Variants in CARMIL1 observed in about 807,000 individuals in gnomAD.
CARMIL1 encodes F-actin-uncapping protein LRRC16A.
CARMIL1 carries 90 observed loss-of-function variants against 177.1 expected under a neutral mutation model. That is an observed-to-expected ratio of 0.51 (90% CI 0.43 to 0.61). The LOEUF is 0.61. CARMIL1 is among the 20% of genes least tolerant of loss of function. The pLI, the probability that CARMIL1 is intolerant of heterozygous loss-of-function variation, is 0.00. For synonymous variants in CARMIL1, 577 were observed against 606.2 expected (o/e 0.95, Z 0.71); for missense variants, 1,380 against 1,667.0 (o/e 0.83, Z 3.00).
intron 2 of CARMIL1, among the ~76,000 whole-genome samples, chr6:25,371,217 T>C (rs906753927): frequency 6.6e-6 from 1 of 152,224 alleles, no homozygotes; most frequent in African/African-American, 2.4e-5. Flanking sequence ...GGTGCTGTGA[T>C]GTGTGCACGT....
At chr6:25,455,973 T>A (rs1036973175) in intron 8 of CARMIL1, among the ~76,000 whole-genome samples, 20 of 152,112 alleles carry the variant, frequency 1.3e-4, no homozygotes, top group Non-Finnish European at 2.6e-4. Context: ...AGTGCCTTGG[T>A]CATTGTTCTG....
At chr6:25,459,270 T>TTTCTTTCTCTCTCTTTCTTTCTTTCTTTC (rs1799896544) in intron 8 of CARMIL1, among the ~76,000 whole-genome samples, 1 of 21,216 alleles carries the variant, frequency 4.7e-5, no homozygotes, top group African/African-American at 1.3e-4. Context: ...TTCTTTCTTT[T>TTTCTTTCTCTCTCTTTCTTTCTTTCTTTC]TTTTTTTTTT....
chr6:25,358,242 A>G (rs943724320), intron 2 of CARMIL1, among the ~76,000 whole-genome samples: 56 of 152,192 alleles, frequency 3.7e-4, no homozygotes, highest in African/African-American at 1.2e-3. Context: ...TCTTCTGTAG[A>G]GTAAAAGATA....
At chr6:25,342,189 C>T (rs9467471) in intron 2 of CARMIL1, among the ~76,000 whole-genome samples, 46,178 of 152,138 alleles carry the variant, frequency 0.3, 7,265 homozygotes, top group Non-Finnish European at 0.35. Flanking sequence ...AAGCTTTCCT[C>T]TGAGAATGTG....
intron 21 of CARMIL1, among the ~76,000 whole-genome samples, chr6:25,516,375 A>G (rs1582214213): frequency 6.6e-6 from 1 of 152,174 alleles, no homozygotes; most frequent in East Asian, 1.9e-4. Context: ...GCTTTTCTCA[A>G]GGACTAGCTC....
intron 2 of CARMIL1, among the ~76,000 whole-genome samples, chr6:25,392,028 G>C (rs146821715): frequency 6.9e-6 from 1 of 145,362 alleles, no homozygotes; most frequent in African/African-American, 2.5e-5. Flanking sequence ...CTGTTTTTTT[G>C]TGTGTATGCA....
chr6:25,527,575 A>G (rs891170640), intron 23 of CARMIL1: 3 of 353,500 alleles, frequency 8.5e-6, no homozygotes, highest in South Asian at 6.4e-5. Context: ...TTTTGCATTG[A>G]TAGTCATGTC....
rs1205982118 is a variant in CARMIL1 at position 25,449,979 on chromosome 6, T to A, written c.453T>A (p.Ala151=). Residue 151 remains alanine (A), a synonymous_variant, in exon 6 of 37, where the codon GCT becomes GCA. Coordinates refer to ENST00000329474, the MANE Select transcript of CARMIL1 (RefSeq NM_017640.6). The part of the protein sequence containing the change: ...LQALWDSQTV[A]EQGPCGGFSQ... ...CGCTGTGGGACAGCCAGACCGTGGCTGAGCAGGGCCCCTGTGGTGAGCATG... is the reference window on the plus strand; with the variant it reads ...CGCTGTGGGACAGCCAGACCGTGGCAGAGCAGGGCCCCTGTGGTGAGCATG... The A allele has an allele frequency of 6.2e-7, 1 of 1,610,540 alleles. No homozygotes were observed. Among genetic ancestry groups the A allele is most frequent in the Non-Finnish European group, 8.5e-7 (1 of 1,178,098 alleles).
At chr6:25,491,044 G>A (rs1043253060) in intron 13 of CARMIL1, among the ~76,000 whole-genome samples, 1 of 152,206 alleles carries the variant, frequency 6.6e-6, no homozygotes. Context: ...CACATACAGG[G>A]TAATTCCAGA....
chr6:25,414,151 G>A (rs746445851), intron 2 of CARMIL1, among the ~76,000 whole-genome samples: 2 of 152,104 alleles, frequency 1.3e-5, no homozygotes, highest in Non-Finnish European at 2.9e-5. Context: ...AGCATCTCTT[G>A]TATGAGGCAC....
At chr6:25,539,017 C>T (rs1009571245) in intron 25 of CARMIL1, among the ~76,000 whole-genome samples, 23 of 152,076 alleles carry the variant, frequency 1.5e-4, no homozygotes, top group African/African-American at 5.5e-4. Context: ...AGAACTCCCC[C>T]GAAGCTCCCC....
chr6:25,385,421 G>C (rs1382513637), intron 2 of CARMIL1, among the ~76,000 whole-genome samples: 1 of 152,164 alleles, frequency 6.6e-6, no homozygotes, highest in Non-Finnish European at 1.5e-5. Context: ...GTGGTTTTCA[G>C]GGAGTGAGGA....
chr6:25,373,535 G>A (rs1016379465), intron 2 of CARMIL1, among the ~76,000 whole-genome samples: 1 of 150,624 alleles, frequency 6.6e-6, no homozygotes, highest in Non-Finnish European at 1.5e-5. Flanking sequence ...AGTCTTGAAT[G>A]ATCTTTTGTA....
intron 2 of CARMIL1, chr6:25,383,559 G>C (rs1282534942): frequency 6.6e-6 from 1 of 152,030 alleles, no homozygotes; most frequent in Non-Finnish European, 1.5e-5. Flanking sequence ...TTTGTGTCCT[G>C]ATTACCTTGA....
chr6:25,445,895 A>C (rs990073473), intron 5 of CARMIL1, among the ~76,000 whole-genome samples: 2 of 152,196 alleles, frequency 1.3e-5, no homozygotes, highest in Non-Finnish European at 2.9e-5. Flanking sequence ...TAGGCATGAA[A>C]ACAACATGGA....
intron 2 of CARMIL1, among the ~76,000 whole-genome samples, chr6:25,324,211 G>A (rs1262123920): frequency 6.6e-6 from 1 of 152,246 alleles, no homozygotes; most frequent in Non-Finnish European, 1.5e-5. Context: ...GGCGTGGAGA[G>A]GAGACTTGGG....
intron 32 of CARMIL1, 24 bp from the exon 33 acceptor site, chr6:25,600,290 T>C: frequency 6.3e-7 from 1 of 1,581,458 alleles, no homozygotes; most frequent in South Asian, 1.2e-5. Flanking sequence ...AAACAACAGA[T>C]CTGTGTCTTG....
intron 9 of CARMIL1, among the ~76,000 whole-genome samples, chr6:25,467,527 C>A (rs1398082722): frequency 6.6e-6 from 1 of 152,170 alleles, no homozygotes; most frequent in Non-Finnish European, 1.5e-5. Flanking sequence ...AGTGTCCCAA[C>A]CTGCAATTAC....
chr6:25,330,121 T>C (rs2690108), intron 2 of CARMIL1, among the ~76,000 whole-genome samples: 110,107 of 152,178 alleles, frequency 0.72, 40,647 homozygotes, highest in African/African-American at 0.89. Flanking sequence ...TCAGGCTTTA[T>C]GCTGCTACCA....
Sources: gnomAD v4.1 joint callset for allele counts (sites outside exome capture counted in the v4.1 genomes callset) on GRCh38, gnomAD v4.1.1 for gene constraint, MANE v1.5 for transcripts, NCBI Gene and HGNC (gene_info 2026-07-23, HGNC 2026-07-21) for gene names.